Variants in CADM2 observed in about 807,000 individuals in gnomAD.
The protein encoded by CADM2 is cell adhesion molecule 2, also known as immunoglobulin superfamily member 4D.
CADM2 carries 12 observed loss-of-function variants against 49.8 expected under a neutral mutation model. The observed-to-expected ratio is 0.24, with a 90% CI of 0.15 to 0.39. The LOEUF (loss-of-function observed/expected upper bound fraction) is 0.39. CADM2 is among the 10% of genes least tolerant of loss of function. CADM2 has a pLI of 1.00. For synonymous variants in CADM2, 214 were observed against 175.4 expected, an observed-to-expected ratio of 1.22 and a Z score of -1.74; for missense variants, 378 against 492.3, an observed-to-expected ratio of 0.77 and a Z score of 2.20.
intron 1 of CADM2, among the ~76,000 whole-genome samples, chr3:85,654,046 T>G (rs1046083085): frequency 1.3e-5 from 2 of 152,316 alleles, no homozygotes; most frequent in South Asian, 4.1e-4. Flanking sequence ...ACAAGAGCAG[T>G]TCAGTGGATT....
chr3:85,919,901 T>C (rs552575150), intron 6 of CADM2, among the ~76,000 whole-genome samples: 1 of 152,054 alleles, frequency 6.6e-6, no homozygotes, highest in Admixed American at 6.6e-5. Context: ...GTTTAAAGTT[T>C]GGTAATTCAG....
intron 1 of CADM2, among the ~76,000 whole-genome samples, chr3:85,293,105 T>C (rs2043849818): frequency 6.6e-6 from 1 of 152,148 alleles, no homozygotes; most frequent in Admixed American, 6.5e-5. Context: ...ATAAAGGGGA[T>C]ATCATCACTG....
intron 8 of CADM2, among the ~76,000 whole-genome samples, chr3:85,965,018 C>T (rs1237538882): frequency 6.6e-6 from 1 of 151,464 alleles, no homozygotes; most frequent in Non-Finnish European, 1.5e-5. Context: ...AAAACTAATT[C>T]ACTCACCCAA....
rs1393877534 is a variant in CADM2 at position 86,073,805 on chromosome 3, T to G, written c.*7022T>G. On this transcript the variant is annotated 3_prime_UTR_variant, in exon 10 of 10. Coordinates refer to ENST00000383699, the MANE Select transcript of CADM2 (RefSeq NM_001167675.2). ...CCAAACACATTATTTTGAATACCTT[T>G]TTTTCAACTTCATACATTATCCATC... 2 of 152,036 alleles carry G rather than the reference T, an allele frequency of 1.3e-5. No homozygotes were observed. Among genetic ancestry groups the G allele is most frequent in the East Asian group, 3.8e-4 (2 of 5,200 alleles). 9.4% of individuals were successfully genotyped at this position (152,036 alleles called of 1,614,324 possible). A position where few individuals can be genotyped will look rare whatever the true frequency, so the allele number is the denominator to read the frequency against.
intron 1 of CADM2, among the ~76,000 whole-genome samples, chr3:85,217,769 A>G (rs2041961504): frequency 6.6e-6 from 1 of 152,080 alleles, no homozygotes; most frequent in Admixed American, 6.5e-5. Flanking sequence ...AAACCCCATA[A>G]GAAACTGGGT....
intron 1 of CADM2, among the ~76,000 whole-genome samples, chr3:85,267,726 T>G (rs2043152528): frequency 6.6e-6 from 1 of 151,600 alleles, no homozygotes; most frequent in African/African-American, 2.4e-5. Context: ...GAGCTCGTAA[T>G]TGGACATAAA....
intron 3 of CADM2, among the ~76,000 whole-genome samples, chr3:85,809,763 C>A: frequency 1.9e-5 from 1 of 51,928 alleles, no homozygotes; most frequent in Admixed American, 1.8e-4. Flanking sequence ...TCCCTCCCTC[C>A]CTCTCTCTCT....
chr3:85,924,883 G>T (rs1438881069), intron 6 of CADM2, among the ~76,000 whole-genome samples: 3 of 152,096 alleles, frequency 2.0e-5, no homozygotes, highest in Admixed American at 6.6e-5. Context: ...GACATTCAAG[G>T]CTTTTAAAAT....
chr3:85,187,821 T>C (rs2041101285), intron 1 of CADM2, among the ~76,000 whole-genome samples: 1 of 152,070 alleles, frequency 6.6e-6, no homozygotes, highest in Non-Finnish European at 1.5e-5. Context: ...GTACTTACTA[T>C]ATTTTATTGT....
chr3:85,950,564 A>C (rs1347745872), intron 7 of CADM2, among the ~76,000 whole-genome samples: 6 of 150,976 alleles, frequency 4.0e-5, no homozygotes, highest in African/African-American at 1.5e-4. Context: ...TTTAATAGGC[A>C]CTCTAAAAAT....
chr3:85,870,929 C>A (rs922903674), intron 3 of CADM2, among the ~76,000 whole-genome samples: 5 of 152,142 alleles, frequency 3.3e-5, no homozygotes, highest in African/African-American at 1.2e-4. Context: ...AAACCCAAAA[C>A]TATAAAAACT....
At chr3:85,014,191 TATATATACGCAGTGTAATAATGTATATC>T (rs2034142053) in intron 1 of CADM2, among the ~76,000 whole-genome samples, 23 of 148,520 alleles carry the variant, frequency 1.5e-4, no homozygotes, top group Admixed American at 6.1e-4. Context: ...TATTGTATAT[TATATATACGCAGTGTAATAATGTATATC>T]ATATATACGC....
chr3:84,996,494 C>G (rs2033185455), intron 1 of CADM2, among the ~76,000 whole-genome samples: 1 of 152,040 alleles, frequency 6.6e-6, no homozygotes, highest in East Asian at 1.9e-4. Flanking sequence ...TAAATTCTGA[C>G]AGCTTTATGT....
chr3:85,395,378 A>G (rs1211274590), intron 1 of CADM2, among the ~76,000 whole-genome samples: 1 of 151,876 alleles, frequency 6.6e-6, no homozygotes, highest in Admixed American at 6.6e-5. Flanking sequence ...CTCTTAGAGC[A>G]TTATAAAATA....
At chr3:85,498,588 C>G (rs1276911956) in intron 1 of CADM2, among the ~76,000 whole-genome samples, 1 of 152,080 alleles carries the variant, frequency 6.6e-6, no homozygotes, top group South Asian at 2.1e-4. Context: ...GATCATGTTA[C>G]TCAAAGTCAG....
intron 1 of CADM2, among the ~76,000 whole-genome samples, chr3:85,603,800 T>C (rs1272191931): frequency 6.6e-6 from 1 of 151,962 alleles, no homozygotes; most frequent in Non-Finnish European, 1.5e-5. Flanking sequence ...CAACCACAGA[T>C]AGACTAGACT....
At chr3:85,117,082 A>T (rs2038665267) in intron 1 of CADM2, among the ~76,000 whole-genome samples, 1 of 152,006 alleles carries the variant, frequency 6.6e-6, no homozygotes, top group Non-Finnish European at 1.5e-5. Flanking sequence ...TTAGCCAGGT[A>T]TGGTGGCACA....
chr3:85,067,515 T>C (rs1324916208), intron 1 of CADM2, among the ~76,000 whole-genome samples: 1 of 152,162 alleles, frequency 6.6e-6, no homozygotes, highest in Non-Finnish European at 1.5e-5. Context: ...TTAACAGTTT[T>C]ACCCGTAGAA....
chr3:85,142,451 G>C (rs184436701), intron 1 of CADM2, among the ~76,000 whole-genome samples: 76 of 152,268 alleles, frequency 5.0e-4, no homozygotes, highest in Admixed American at 4.3e-3. Context: ...TTATCCAAAA[G>C]GATTTGGTGC....
Sources: allele counts gnomAD v4.1 joint callset (sites outside exome capture counted in the v4.1 genomes callset), GRCh38; gene constraint gnomAD v4.1.1; transcripts MANE v1.5; gene names NCBI Gene and HGNC (gene_info 2026-07-23, HGNC 2026-07-21).